The following ACSM3 variants were observed in gnomAD, a reference collection of about 807,000 sequenced individuals.
ACSM3 encodes the protein acyl-CoA synthetase medium chain family member 3.
ACSM3 carries 61 observed loss-of-function variants against 74.1 expected under a neutral mutation model. That is an observed-to-expected ratio of 0.82 (90% CI 0.67 to 1.02). The LOEUF is 1.02. Among genes scored for constraint, ACSM3 ranks in the 50% least tolerant of loss-of-function variants. The pLI is 0.00. For missense variants in ACSM3, 660 were observed against 697.0 expected (o/e 0.95, Z 0.60); for synonymous variants, 213 against 241.5 (o/e 0.88, Z 1.09).
intron 1 of ACSM3, among the ~76,000 whole-genome samples, chr16:20,720,782 A>C (rs1182667723): frequency 6.6e-6 from 1 of 152,240 alleles, no homozygotes; most frequent in Non-Finnish European, 1.5e-5. Context: ...AGTGCTATAA[A>C]AACCTTTATA....
chr16:20,721,083 T>A (rs1596484925), intron 1 of ACSM3: 1 of 152,190 alleles, frequency 6.6e-6, no homozygotes, highest in East Asian at 1.9e-4. Flanking sequence ...TGGTGTACAA[T>A]GTGTTTGCAG....
chr16:20,783,021 A>G (rs1248470283), intron 7 of ACSM3, among the ~76,000 whole-genome samples: 1 of 152,128 alleles, frequency 6.6e-6, no homozygotes, highest in African/African-American at 2.4e-5. Context: ...ATTGATTATT[A>G]AGTCAATCTC....
At chr16:20,791,942 A>T (rs1308614010) in intron 10 of ACSM3, 60 bp from the exon 11 acceptor site, 6 of 1,570,138 alleles carry the variant, frequency 3.8e-6, no homozygotes, top group Non-Finnish European at 5.2e-6. Flanking sequence ...AAAAAAAAAA[A>T]TTCCAATTGA....
In ACSM3 at chr16:20,797,064, T is replaced by C; in HGVS notation, c.*92T>C. 6.6e-7 allele frequency: 1 copy of C among 1,504,530 alleles called. No homozygotes were observed. The highest frequency in any genetic ancestry group is 8.8e-7 in the Non-Finnish European group (1 of 1,132,502). The allele number at this position is 1,504,530 out of a possible 1,614,324, so 93.2% of individuals were successfully genotyped here. ...GATGATGGAGAGGTCATAAAAACTGTGGTAGTATGCTTAGAAACTGTTGAT... is the reference window on the plus strand; with the variant it reads ...GATGATGGAGAGGTCATAAAAACTGCGGTAGTATGCTTAGAAACTGTTGAT... On this transcript the variant is annotated 3_prime_UTR_variant, in exon 14 of 14. Coordinates refer to ENST00000289416, the MANE Select transcript of ACSM3 (RefSeq NM_005622.4).
chr16:20,706,278 A>T (rs763574742), intron 1 of ACSM3, among the ~76,000 whole-genome samples: 6 of 152,202 alleles, frequency 3.9e-5, no homozygotes, highest in Non-Finnish European at 8.8e-5. Context: ...TCATAATCAA[A>T]CTTCTTAAAA....
chr16:20,711,509 CA>C (rs35602714), intron 1 of ACSM3: 1 of 1,407,722 alleles, frequency 7.1e-7, no homozygotes. Flanking sequence ...CAGCTGACAG[CA>C]AAATATATCC....
Position 20,691,063 on chromosome 16 carries a change from G to C in ACSM3, c.-190+16241G>C, listed in dbSNP as rs767832113. The C allele has an allele frequency of 8.1e-6, 13 of 1,613,688 alleles. No individual in the cohort carries two copies. The Admixed American group carries it at 1.3e-4, about 17-fold the overall frequency. On this transcript the variant is annotated intron_variant, in intron 1 of 3. Transcript: ENST00000561584. The stretch of plus-strand genomic sequence containing the variant: ...AGTTAAATTCCTCCGGTACTTCATA[G>C]TCATTCCATCTTGGGGCTCCAAATT...
upstream of ACSM3, among the ~76,000 whole-genome samples, chr16:20,762,493 A>C (rs2080085916): frequency 6.6e-6 from 1 of 152,204 alleles, no homozygotes; most frequent in Non-Finnish European, 1.5e-5. Context: ...TACTCCAAGA[A>C]ATAATAGCTG....
intron 8 of ACSM3, 145 bp from the exon 9 acceptor site, chr16:20,785,933 A>G (rs1183219103): frequency 1.8e-5 from 9 of 494,866 alleles, no homozygotes; most frequent in Non-Finnish European, 1.1e-5. Flanking sequence ...ATATGTTATC[A>G]CTACATTCCA....
chr16:20,699,366 A>C (rs1412052810), intron 1 of ACSM3, among the ~76,000 whole-genome samples: 1 of 152,158 alleles, frequency 6.6e-6, no homozygotes, highest in Non-Finnish European at 1.5e-5. Context: ...GGAAGAAATT[A>C]TTTCTGATCA....
rs537934140 is a variant in ACSM3 at position 20,776,044 on chromosome 16, G to A, written c.425G>A (p.Arg142Gln). The change falls in exon 3 of 14, where the codon CGA becomes CAA. Residue 142 changes from arginine (R) to glutamine (Q), a missense_variant. Transcript: ENST00000289416. ...TGGCTTGCAAATGTGGCCTGTCTGC[G>A]AACAGGTTAGTAATGTTTGCTTTCC... ...EWWLANVACL[R>Q]TGTVLIPGTT... The A allele has an allele frequency of 1.2e-6, 2 of 1,614,030 alleles. No homozygotes were observed. The highest frequency in any genetic ancestry group is 1.7e-5 in the Admixed American group (1 of 60,016).
In ACSM3 at chr16:20,679,587, A is replaced by G. The variant is rs1374413774; in HGVS notation, c.-190+4765A>G. On this transcript the variant is annotated intron_variant, in intron 1 of 3. Coordinates refer to the ACSM3 transcript ENST00000561584. ...GTGTAAGCATGTTTCTATTACATAC[A>G]CTAATGTTGTTACCATTTCTGCCTA... The G allele has an allele frequency of 2.6e-5, 4 of 152,182 alleles. No individual in the cohort carries two copies. The South Asian group carries it at 8.3e-4, about 32-fold the overall frequency. The allele number at this position is 152,182 out of a possible 1,614,324, so 9.4% of individuals were successfully genotyped here.
intron 6 of ACSM3, 60 bp from the exon 7 acceptor site, chr16:20,781,648 A>G: frequency 8.0e-7 from 1 of 1,247,946 alleles, no homozygotes; most frequent in Non-Finnish European, 1.2e-6. Flanking sequence ...TCAACCAAAG[A>G]CATTTAAGCA....
chr16:20,694,667 G>C (rs1054149184), intron 1 of ACSM3, among the ~76,000 whole-genome samples: 3 of 152,176 alleles, frequency 2.0e-5, no homozygotes, highest in Non-Finnish European at 2.9e-5. Flanking sequence ...AAAAGGGAGA[G>C]ATATAGTGAG....
chr16:20,781,059 T>A lies in ACSM3; in HGVS notation c.868T>A (p.Ser290Thr). ...AAAGTCTGCATGGAGTAGTGTTTTT[T>A]CTCCGTGGATCCAGGGAGCATGTGT... ...WAKSAWSSVF[S>T]PWIQGACVFT... The change falls in exon 6 of 14, where the codon TCT (serine) becomes ACT (threonine). Residue 290 changes from serine (S) to threonine (T), a missense_variant. Coordinates refer to ENST00000289416, the MANE Select transcript of ACSM3 (RefSeq NM_005622.4). 6.2e-7 allele frequency: 1 copy of A among 1,614,202 alleles called. No homozygotes were observed. Among genetic ancestry groups the A allele is most frequent in the South Asian group, 1.1e-5 (1 of 91,086 alleles).
chr16:20,730,929 T>C (rs950953583), intron 1 of ACSM3, among the ~76,000 whole-genome samples: 2 of 152,168 alleles, frequency 1.3e-5, no homozygotes, highest in African/African-American at 4.8e-5. Flanking sequence ...GGTGCAGTTA[T>C]AGCTCACTGC....
intron 1 of ACSM3, among the ~76,000 whole-genome samples, chr16:20,694,661 G>T (rs2079680116): frequency 6.6e-6 from 1 of 152,154 alleles, no homozygotes; most frequent in South Asian, 2.1e-4. Flanking sequence ...CAAAACAAAA[G>T]GGAGAGATAT....
chr16:20,770,426 C>T lies in ACSM3; in HGVS notation c.219+173C>T, dbSNP rs62033329. 6.0e-3 allele frequency among the ~76,000 whole-genome samples: 906 copies of T among 152,176 alleles called. 2 individuals carry two copies. Among genetic ancestry groups the T allele is most frequent in the South Asian group, 0.024 (116 of 4,814 alleles). ...ATTCTGCTAAATATCCCATAATGCA[C>T]AGGGCAGCCTCCAGAACAAAGAATT... is the stretch of plus-strand genomic sequence containing the variant. On this transcript the variant is annotated intron_variant, in intron 2 of 13. Coordinates refer to ENST00000289416, the MANE Select transcript of ACSM3 (RefSeq NM_005622.4).
At chr16:20,732,270 T>C (rs2079835170) in intron 1 of ACSM3, among the ~76,000 whole-genome samples, 1 of 152,170 alleles carries the variant, frequency 6.6e-6, no homozygotes, top group Admixed American at 6.5e-5. Flanking sequence ...TGATACTGAC[T>C]GATCCTCTGC....
Sources: allele counts gnomAD v4.1 joint callset (sites outside exome capture counted in the v4.1 genomes callset), GRCh38; gene constraint gnomAD v4.1.1; transcripts MANE v1.5; gene names NCBI Gene and HGNC (gene_info 2026-07-23, HGNC 2026-07-21).